Variants in CDKL2 observed in about 807,000 individuals in gnomAD.
CDKL2 encodes cyclin-dependent kinase-like 2.
Under a neutral mutation model 63.9 loss-of-function variants are expected in CDKL2, and 64 were observed. The ratio of observed to expected loss-of-function variants is 1.00; its 90% confidence interval spans 0.82 to 1.23. The LOEUF (loss-of-function observed/expected upper bound fraction) is 1.23, where lower values mean the gene tolerates loss of function less well. Ranked by LOEUF, CDKL2 falls within the 50% of genes most tolerant of loss-of-function variation. CDKL2 has a pLI of 0.00. For missense variants in CDKL2, 656 were observed against 668.0 expected (o/e 0.98, Z 0.20); for synonymous variants, 211 against 229.2 (o/e 0.92, Z 0.72).
chr4:75,613,125 A>AAAAAAAC (rs1320157931), intron 3 of CDKL2, among the ~76,000 whole-genome samples: 1 of 2,878 alleles, frequency 3.5e-4, no homozygotes, highest in African/African-American at 1.1e-3. Context: ...ACTCCGTTTC[A>AAAAAAAC]AAAAAAAATA....
At chr4:75,612,108 T>G (rs1729728605) in intron 3 of CDKL2, among the ~76,000 whole-genome samples, 1 of 152,048 alleles carries the variant, frequency 6.6e-6, no homozygotes, top group East Asian at 1.9e-4. Flanking sequence ...GCAGCTGGGA[T>G]TACAGGTGCC....
chr4:75,627,731 C>CTTTTTTTT (rs57328528), intron 1 of CDKL2, among the ~76,000 whole-genome samples: 12 of 86,002 alleles, frequency 1.4e-4, no homozygotes, highest in Non-Finnish European at 1.7e-4. Context: ...CTTTTTTTTT[C>CTTTTTTTT]TTTTTTTTTT....
chr4:75,587,830 G>A (rs1377592568), intron 12 of CDKL2, among the ~76,000 whole-genome samples: 2 of 151,568 alleles, frequency 1.3e-5, no homozygotes, highest in African/African-American at 4.9e-5. Flanking sequence ...CATGAACCTG[G>A]GAGGCAGAGC....
intron 1 of CDKL2, among the ~76,000 whole-genome samples, chr4:75,627,566 C>T (rs1730477252): frequency 6.6e-6 from 1 of 152,026 alleles, no homozygotes. Context: ...CCAGAGCGCC[C>T]GGCCTGAATT....
At chr4:75,619,562 G>A (rs1730068471) in intron 2 of CDKL2, among the ~76,000 whole-genome samples, 1 of 134,178 alleles carries the variant, frequency 7.5e-6, no homozygotes, top group South Asian at 2.5e-4. Context: ...ACATGGTGAT[G>A]GGCTCACAGC....
chr4:75,625,434 G>A (rs2148916359), intron 2 of CDKL2, among the ~76,000 whole-genome samples: 1 of 152,048 alleles, frequency 6.6e-6, no homozygotes, highest in Middle Eastern at 3.4e-3. Flanking sequence ...TGTTCCTACA[G>A]GAAAATGTAT....
chr4:75,615,700 G>C (rs1365416336), intron 2 of CDKL2, among the ~76,000 whole-genome samples: 1 of 152,308 alleles, frequency 6.6e-6, no homozygotes, highest in East Asian at 1.9e-4. Context: ...CAAGATAAAA[G>C]TGTATATATA....
intron 3 of CDKL2, among the ~76,000 whole-genome samples, chr4:75,608,600 A>AC (rs975500142): frequency 1.3e-5 from 2 of 152,206 alleles, no homozygotes; most frequent in African/African-American, 4.8e-5. Flanking sequence ...GAGAGGCAGG[A>AC]AGAAGAGCAG....
At position 75,626,607 on chromosome 4, in the gene CDKL2, C is replaced by T. The variant is rs551791748; in HGVS notation, c.-29-590G>A. ...GCGTGAACCCGGGAGGCGGAGCTTG[C>T]AGTGAGCCAAGATCACACCACTGCA... On this transcript the variant is annotated intron_variant, in intron 1 of 13. Coordinates refer to ENST00000307465, the MANE Select transcript of CDKL2 (RefSeq NM_001330724.2). Among the ~76,000 whole-genome samples, 9 of 148,390 alleles carry T rather than the reference C, an allele frequency of 6.1e-5. No homozygotes were observed. In the East Asian group the frequency reaches 1.8e-3, roughly 30 times the overall value.
Position 75,598,158 on chromosome 4 carries a change from T to C in CDKL2, c.939A>G (p.Leu313=). The change falls in exon 8 of 14, where the codon TTA becomes TTG. Residue 313 remains leucine, a synonymous_variant. Coordinates refer to ENST00000307465, the MANE Select transcript of CDKL2 (RefSeq NM_001330724.2). ...TCTTTCTGTTTTGGGATTTTTTAGA[T>C]AAAGAAACATTTCTGGCATCTTTCT... ...KVQKDARNVS[L]SKKSQNRKKE... The C allele has an allele frequency of 6.5e-7, 1 of 1,540,142 alleles. No individual in the cohort carries two copies. Among genetic ancestry groups the C allele is most frequent in the South Asian group, 1.2e-5 (1 of 82,358 alleles).
At chr4:75,604,041 T>C in intron 5 of CDKL2, 85 bp from the exon 6 acceptor site, 1 of 1,299,454 alleles carries the variant, frequency 7.7e-7, no homozygotes, top group East Asian at 2.3e-5. Flanking sequence ...GTAGAGGAAA[T>C]AGTGGAACAC....
intron 1 of CDKL2, among the ~76,000 whole-genome samples, chr4:75,626,713 A>G (rs545242231): frequency 1.3e-5 from 2 of 149,566 alleles, no homozygotes; most frequent in Non-Finnish European, 3.0e-5. Context: ...ACATACTGAG[A>G]CTCTGTCTCT....
rs1728986649 is a variant in CDKL2 at position 75,597,246 on chromosome 4, A to G, written c.1021-10T>C. On this transcript the variant is annotated splice_polypyrimidine_tract_variant and intron_variant, in intron 8 of 13. Coordinates refer to ENST00000307465, the MANE Select transcript of CDKL2 (RefSeq NM_001330724.2). ...GATCAGCATTGGTATCCTGATCATT[A>G]ACAAAAATATTAATAAGGTTAATGA... 5 of 1,517,766 alleles carry G rather than the reference A, an allele frequency of 3.3e-6. No individual in the cohort carries two copies. The highest frequency in any genetic ancestry group is 4.5e-6 in the Non-Finnish European group (5 of 1,102,532). 94.0% of individuals were successfully genotyped at this position (1,517,766 alleles called of 1,614,324 possible).
chr4:75,594,616 A>G (rs1728840253), intron 10 of CDKL2, among the ~76,000 whole-genome samples: 1 of 152,206 alleles, frequency 6.6e-6, no homozygotes, highest in African/African-American at 2.4e-5. Context: ...GGAAAAAAAA[A>G]TAAGCAAGGA....
At position 75,586,436 on chromosome 4, in the gene CDKL2, T is replaced by C. The variant is rs1224638247; in HGVS notation, c.1648-4538A>G. Reference sequence around the variant, plus strand: ...AGAGATGGGGTTTCACCATGTTAGCTAGCCAGTAAGGTCTCGATCTCCTGA... The same window carrying C: ...AGAGATGGGGTTTCACCATGTTAGCCAGCCAGTAAGGTCTCGATCTCCTGA... On this transcript the variant is annotated intron_variant, in intron 12 of 13. Transcript: ENST00000307465. Among the ~76,000 whole-genome samples the C allele has an allele frequency of 2.6e-5, 4 of 151,742 alleles. No homozygotes were observed. In the East Asian group the frequency reaches 5.8e-4, roughly 22 times the overall value.
rs35798736 is a variant in CDKL2 at position 75,624,131 on chromosome 4, CAAAA to C, written c.168+1686_168+1689del. Among the ~76,000 whole-genome samples the C allele has an allele frequency of 2.6e-3, 303 of 118,416 alleles. 2 individuals carry two copies. Among genetic ancestry groups the C allele is most frequent in the African/African-American group, 8.7e-3 (289 of 33,118 alleles). The allele number at this position is 118,416 out of a possible 152,430, so 77.7% of individuals were successfully genotyped here. A position where few individuals can be genotyped will look rare whatever the true frequency, so the allele number is the denominator to read the frequency against. ...AGATGACAAGTGTGAAACTCCATCT[CAAAA>C]AAAAAAAAAAAAGAATTCAGAAAAA... On this transcript the variant is annotated intron_variant, in intron 2 of 13. Transcript: ENST00000307465.
intron 7 of CDKL2, among the ~76,000 whole-genome samples, chr4:75,599,723 G>T (rs1191569241): frequency 6.6e-6 from 1 of 152,064 alleles, no homozygotes. Context: ...AAGCAAATAG[G>T]AAAACCTAGC....
At chr4:75,622,715 CAAAAAAAAAAAAAAAAAA>C (rs1171964321) in intron 2 of CDKL2, among the ~76,000 whole-genome samples, 1 of 13,956 alleles carries the variant, frequency 7.2e-5, no homozygotes, top group Non-Finnish European at 1.2e-4. Flanking sequence ...AAGACTCCAT[CAAAAAAAAAAAAAAAAAA>C]AAAAAAAAAA....
intron 11 of CDKL2, 87 bp from the exon 12 acceptor site, chr4:75,592,012 A>G (rs889059274): frequency 7.7e-7 from 1 of 1,300,608 alleles, no homozygotes; most frequent in Non-Finnish European, 1.1e-6. Flanking sequence ...GTTCCTCAGT[A>G]TGTACTTATT....
Sources: allele counts gnomAD v4.1 joint callset (sites outside exome capture counted in the v4.1 genomes callset), GRCh38; gene constraint gnomAD v4.1.1; transcripts MANE v1.5; gene names NCBI Gene and HGNC (gene_info 2026-07-23, HGNC 2026-07-21).